ZNF695: variants seen among roughly 807,000 people sequenced by gnomAD.
ZNF695 encodes the protein zinc finger protein 695, also known as zinc finger protein SBZF3.
ZNF695 carries 11 observed loss-of-function variants against 11.2 expected under a neutral mutation model. The ratio of observed to expected loss-of-function variants is 0.98; its 90% CI spans 0.62 to 1.62. ZNF695 has a LOEUF of 1.62. ZNF695 is among the 40% of genes most tolerant of loss of function. The pLI is 0.00. For missense variants in ZNF695, 559 were observed against 590.5 expected (o/e 0.95, Z 0.55); for synonymous variants, 190 against 201.4 (o/e 0.94, Z 0.48).
intron 4 of ZNF695, among the ~76,000 whole-genome samples, chr1:246,975,450 T>C (rs935573905): frequency 2.0e-5 from 3 of 152,226 alleles, no homozygotes; most frequent in African/African-American, 7.2e-5. Flanking sequence ...AAGCTTAGTC[T>C]ACGGAGGAAA....
chr1:246,984,779 C>T (rs1434764105), downstream of ZNF695, among the ~76,000 whole-genome samples: 1 of 152,212 alleles, frequency 6.6e-6, no homozygotes, highest in Non-Finnish European at 1.5e-5. Context: ...TTAATACACT[C>T]ACTGTGGAAT....
rs79689042 is a variant in ZNF695 at position 246,966,753 on chromosome 1, C to G, written c.488+942G>C. On this transcript the variant is annotated intron_variant, in intron 5 of 5. Transcript: ENST00000487338. ...TGAGCTATGATCACATCACTGCACT[C>G]TAGCCTGGGCAAAGAGCAAGACCCT... 2,311 of 456,264 alleles carry G rather than the reference C, an allele frequency of 5.1e-3. 34 individuals carry two copies. The highest frequency in any genetic ancestry group is 0.04 in the African/African-American group (2,015 of 50,106). The allele number at this position is 456,264 out of a possible 1,614,324, so 28.3% of individuals were successfully genotyped here.
chr1:246,989,080 C>T (rs1014366352), intron 3 of ZNF695, among the ~76,000 whole-genome samples: 17 of 133,982 alleles, frequency 1.3e-4, no homozygotes, highest in East Asian at 2.1e-4. Flanking sequence ...GGCAACAGAG[C>T]GAGACTCCGT....
At chr1:246,980,178 TAAAAAAAA>T (rs71566679) in intron 4 of ZNF695, among the ~76,000 whole-genome samples, 7 of 88,778 alleles carry the variant, frequency 7.9e-5, no homozygotes, top group Middle Eastern at 6.4e-3. Context: ...ACTCTGTATT[TAAAAAAAA>T]AAAAAAAAAA....
At chr1:246,970,773 T>G (rs1668404307) in intron 4 of ZNF695, among the ~76,000 whole-genome samples, 1 of 152,210 alleles carries the variant, frequency 6.6e-6, no homozygotes, top group Non-Finnish European at 1.5e-5. Context: ...TGTTTGTTTG[T>G]TTTTGTGTTT....
At chr1:246,979,825 C>T (rs1321267915) in intron 4 of ZNF695, 1 of 152,526 alleles carries the variant, frequency 6.6e-6, no homozygotes, top group Non-Finnish European at 1.5e-5. Flanking sequence ...TTCTAAATAA[C>T]TCGTTAAGTT....
chr1:246,958,874 G>T (rs865804898), intron 5 of ZNF695, among the ~76,000 whole-genome samples: 22 of 152,146 alleles, frequency 1.4e-4, no homozygotes, highest in African/African-American at 5.3e-4. Context: ...ATTGGTTTAA[G>T]AAAGCGAGTG....
chr1:246,974,615 G>A (rs953676331), intron 4 of ZNF695, among the ~76,000 whole-genome samples: 1 of 152,182 alleles, frequency 6.6e-6, no homozygotes, highest in Non-Finnish European at 1.5e-5. Context: ...ATAAAAGAGA[G>A]TGGGCATAAT....
At chr1:246,995,195 T>A (rs1218146745) in intron 3 of ZNF695, among the ~76,000 whole-genome samples, 7 of 152,166 alleles carry the variant, frequency 4.6e-5, no homozygotes, top group Non-Finnish European at 1.0e-4. Context: ...TCTTAACCCA[T>A]TTTTAAAAAT....
intron 5 of ZNF695, among the ~76,000 whole-genome samples, chr1:246,955,305 A>C (rs111863331): frequency 0.021 from 3,159 of 152,296 alleles, 111 homozygotes; most frequent in African/African-American, 0.072. Flanking sequence ...ACAGCATGTT[A>C]CTGTACTGAA....
chr1:246,974,499 A>T (rs965305988), intron 4 of ZNF695, among the ~76,000 whole-genome samples: 2 of 152,240 alleles, frequency 1.3e-5, no homozygotes, highest in Non-Finnish European at 2.9e-5. Context: ...ATGTACATAT[A>T]GTTAGCTATA....
At chr1:246,990,645 A>G (rs907314146) in intron 3 of ZNF695, among the ~76,000 whole-genome samples, 1 of 152,228 alleles carries the variant, frequency 6.6e-6, no homozygotes, top group African/African-American at 2.4e-5. Context: ...CGTTTCATGC[A>G]ACAGCTGCAG....
intron 5 of ZNF695, among the ~76,000 whole-genome samples, chr1:246,949,765 C>T (rs1010146133): frequency 1.3e-4 from 20 of 151,958 alleles, no homozygotes; most frequent in African/African-American, 4.8e-4. Context: ...GTCAGTGTGA[C>T]TTTTTGAGAT....
chr1:246,959,751 A>G (rs977469435), intron 5 of ZNF695, among the ~76,000 whole-genome samples: 1 of 152,060 alleles, frequency 6.6e-6, no homozygotes, highest in Non-Finnish European at 1.5e-5. Flanking sequence ...TTTAGAACCT[A>G]GACTATTGAG....
chr1:246,968,798 T>A (rs1668351491), intron 4 of ZNF695: 1 of 152,380 alleles, frequency 6.6e-6, no homozygotes, highest in African/African-American at 2.4e-5. Context: ...TCTTATACCC[T>A]CTGGAGCAGC....
chr1:246,981,565 T>C (rs1668712359), downstream of ZNF695, among the ~76,000 whole-genome samples: 1 of 152,212 alleles, frequency 6.6e-6, no homozygotes, highest in Non-Finnish European at 1.5e-5. Context: ...GTTTTTGTTC[T>C]ATTAGTCCGT....
At chr1:246,998,562 G>A (rs949863023) in intron 3 of ZNF695, among the ~76,000 whole-genome samples, 1 of 152,172 alleles carries the variant, frequency 6.6e-6, no homozygotes, top group East Asian at 1.9e-4. Flanking sequence ...CACAGGGTAA[G>A]TCATAAAGGA....
intron 5 of ZNF695, among the ~76,000 whole-genome samples, chr1:246,958,208 A>G (rs181561178): frequency 9.3e-4 from 142 of 151,986 alleles, no homozygotes; most frequent in East Asian, 8.4e-3. Flanking sequence ...ACAGGTGCAC[A>G]CCACCACGCC....
At chr1:246,957,943 C>T (rs988032178) in intron 5 of ZNF695, among the ~76,000 whole-genome samples, 6 of 152,056 alleles carry the variant, frequency 3.9e-5, no homozygotes, top group African/African-American at 1.4e-4. Context: ...CTACATGCAT[C>T]CTACATGCCT....
Sources: gnomAD v4.1 joint callset for allele counts (sites outside exome capture counted in the v4.1 genomes callset) on GRCh38, gnomAD v4.1.1 for gene constraint, MANE v1.5 for transcripts, NCBI Gene and HGNC (gene_info 2026-07-23, HGNC 2026-07-21) for gene names.